Variants in ZNF845 observed in about 807,000 individuals in gnomAD.
The protein encoded by ZNF845 is zinc finger protein 845.
In ZNF845, 59 loss-of-function variants were observed where a neutral mutation model predicts 76.1. The observed-to-expected ratio is 0.78, with a 90% CI of 0.63 to 0.96. ZNF845 has a LOEUF of 0.96. ZNF845 is among the 40% of genes least tolerant of loss of function. The pLI is 0.00. For missense variants in ZNF845, 1,045 were observed against 1,172.8 expected (o/e 0.89, Z 1.59); for synonymous variants, 361 against 386.9 (o/e 0.93, Z 0.78).
At chr19:53,344,840 T>C (rs2085283471) in intron 2 of ZNF845, among the ~76,000 whole-genome samples, 1 of 151,946 alleles carries the variant, frequency 6.6e-6, no homozygotes, top group African/African-American at 2.4e-5. Context: ...GATTTCTCCA[T>C]GTTGGTCAGG....
Position 53,351,729 on chromosome 19 carries a change from G to C in ZNF845, c.1054G>C (p.Glu352Gln), listed in dbSNP as rs753284130. Residue 352 changes from glutamate to glutamine, a missense_variant, in exon 4 of 4, where the codon GAG becomes CAG. Glu to Gln is a conservative substitution (Grantham distance 29). Coordinates refer to ENST00000458035, the MANE Select transcript of ZNF845 (RefSeq NM_138374.3). ...LVYHRRLHTG[E>Q]KPYKCEECDK... ...GTACCATCGTAGACTTCATACTGGA[G>C]AGAAACCTTACAAATGTGAAGAATG... 4 of 1,614,014 alleles carry C rather than the reference G, an allele frequency of 2.5e-6. No individual in the cohort carries two copies. The South Asian group carries it at 4.4e-5, about 18-fold the overall frequency.
In ZNF845 at chr19:53,353,353, G is replaced by A. The variant is rs960263624; in HGVS notation, c.2678G>A (p.Gly893Asp). The stretch of plus-strand genomic sequence containing the variant: ...AAACCTTACAAGTGTAATAAATGTG[G>A]TAAGGTTTTTAATCAACAAGCACAC... The part of the protein sequence containing the change: ...GEKPYKCNKC[G>D]KVFNQQAHLA... The change falls in exon 4 of 4, where the codon GGT becomes GAT. Residue 893 changes from glycine to aspartate, a missense_variant. Physicochemically the swap from Gly to Asp is moderately conservative, Grantham distance 94 (BLOSUM62 -1). Coordinates refer to ENST00000458035, the MANE Select transcript of ZNF845 (RefSeq NM_138374.3). 1.2e-6 allele frequency: 2 copies of A among 1,612,284 alleles called. No individual in the cohort carries two copies. Among genetic ancestry groups the A allele is most frequent in the Non-Finnish European group, 1.7e-6 (2 of 1,179,498 alleles).
At position 53,353,431 on chromosome 19, in the gene ZNF845, AGT is replaced by A. The variant is rs779634863; in HGVS notation, c.2760_2761del (p.Cys920TrpfsTer14). The A allele has an allele frequency of 1.3e-4, 206 of 1,613,902 alleles. 1 individual carries two copies. Among genetic ancestry groups the A allele is most frequent in the South Asian group, 1.3e-3 (115 of 91,060 alleles). On this transcript the variant is annotated frameshift_variant, in exon 4 of 4. Transcript: ENST00000458035. LOFTEE classifies it high-confidence loss of function. ...GGAGAGAAACCTTACAAGTGTAATGAGTGTGGCAAAACCTTCCGTCACAATTC... is the reference window on the plus strand; with the variant it reads ...GGAGAGAAACCTTACAAGTGTAATGAGTGGCAAAACCTTCCGTCACAATTC...
At chr19:53,339,292 A>C (rs1194659359) in intron 1 of ZNF845, among the ~76,000 whole-genome samples, 1 of 152,152 alleles carries the variant, frequency 6.6e-6, no homozygotes. Context: ...GGGCTGATCT[A>C]ATGGAGTGAC....
intron 1 of ZNF845, among the ~76,000 whole-genome samples, chr19:53,339,789 T>C (rs150308168): frequency 6.6e-6 from 1 of 152,344 alleles, no homozygotes; most frequent in African/African-American, 2.4e-5. Flanking sequence ...GAAGCTATAG[T>C]ATATGCCAGG....
intron 1 of ZNF845, among the ~76,000 whole-genome samples, chr19:53,334,015 T>C (rs1315915029): frequency 1.3e-5 from 2 of 152,230 alleles, no homozygotes; most frequent in Non-Finnish European, 2.9e-5. Context: ...GGGCAATGTA[T>C]ACACTTCCCA....
chr19:53,351,879 C>T lies in ZNF845; in HGVS notation c.1204C>T (p.Arg402Cys), dbSNP rs537399665. 2.2e-4 allele frequency: 356 copies of T among 1,610,302 alleles called. 1 individual carries two copies. The highest frequency in any genetic ancestry group is 1.4e-3 in the South Asian group (128 of 90,888). ...FSRKSSLTRHRRLHTGEKPYK... is the reference protein window; with the variant it reads ...FSRKSSLTRHCRLHTGEKPYK... ...TCGGAAGTCATCCCTTACACGCCAT[C>T]GTAGACTTCATACTGGAGAGAAACC... The change falls in exon 4 of 4, where the codon CGT (arginine) becomes TGT (cysteine). Residue 402 changes from arginine (R) to cysteine (C), a missense_variant. By Grantham distance (180) the Arg-to-Cys change is radical. Transcript: ENST00000458035.
chr19:53,347,119 G>A (rs2085301907), intron 3 of ZNF845, among the ~76,000 whole-genome samples: 1 of 152,002 alleles, frequency 6.6e-6, no homozygotes, highest in East Asian at 1.9e-4. Context: ...CTGCCCTCAG[G>A]TGGTGATCCG....
At chr19:53,340,673 CTCACAATGGGTGAAGAAAT>C (rs2085249737) in intron 1 of ZNF845, among the ~76,000 whole-genome samples, 1 of 152,208 alleles carries the variant, frequency 6.6e-6, no homozygotes, top group Non-Finnish European at 1.5e-5. Flanking sequence ...TACATGTTTA[CTCACAATGGGTGAAGAAAT>C]TCATCATTTT....
chr19:53,346,997 C>A (rs531365977), intron 3 of ZNF845, among the ~76,000 whole-genome samples: 4 of 152,208 alleles, frequency 2.6e-5, no homozygotes, highest in African/African-American at 9.6e-5. Context: ...GATTCTCCTG[C>A]CTCAGTTTTC....
At chr19:53,346,348 T>A (rs1376161480) in intron 3 of ZNF845, 3 of 428,710 alleles carry the variant, frequency 7.0e-6, no homozygotes, top group Non-Finnish European at 1.4e-5. Context: ...AGCAGTGCCG[T>A]ATGTGATCTT....
In ZNF845 at chr19:53,352,855, C is replaced by T; in HGVS notation, c.2180C>T (p.Ala727Val). ...TACAAGTGTAATGAGTGTGGCAAGG[C>T]CTTCAGTCAGAAGTCATCCCTTACA... ...KPYKCNECGK[A>V]FSQKSSLTCH... The change falls in exon 4 of 4, where the codon GCC becomes GTC. Residue 727 changes from alanine (A) to valine (V), a missense_variant. Ala to Val is a moderately conservative substitution (Grantham distance 64). Transcript: ENST00000458035. 6.2e-7 allele frequency: 1 copy of T among 1,613,054 alleles called. No individual in the cohort carries two copies. Among genetic ancestry groups the T allele is most frequent in the Non-Finnish European group, 8.5e-7 (1 of 1,179,782 alleles).
At chr19:53,344,604 A>ATTTATTTTATTTATTTTAT (rs1555822544) in intron 2 of ZNF845, among the ~76,000 whole-genome samples, 1,414 of 126,912 alleles carry the variant, frequency 0.011, 31 homozygotes, top group East Asian at 0.093. Context: ...ATTTTATTTT[A>ATTTATTTTATTTATTTTAT]TTTATTTTAT....
At chr19:53,343,025 G>A (rs866262249) in intron 2 of ZNF845, among the ~76,000 whole-genome samples, 26 of 152,088 alleles carry the variant, frequency 1.7e-4, no homozygotes, top group Middle Eastern at 6.8e-3. Context: ...CACCATGTTG[G>A]CCAGGCTGGT....
chr19:53,350,833 G>T lies in ZNF845; in HGVS notation c.158G>T (p.Cys53Phe). 6.2e-7 allele frequency: 1 copy of T among 1,613,432 alleles called. No homozygotes were observed. The highest frequency in any genetic ancestry group is 8.5e-7 in the Non-Finnish European group (1 of 1,179,764). The change falls in exon 4 of 4, where the codon TGC becomes TTC. Residue 53 changes from cysteine (C) to phenylalanine (F), a missense_variant. Transcript: ENST00000458035. Reference sequence around the variant, plus strand: ...TATTTTCTAGATATCTCTTCCAAATGCATGATGAAGGAGTTCTCATCAACA... The same window carrying T: ...TATTTTCTAGATATCTCTTCCAAATTCATGATGAAGGAGTTCTCATCAACA... ...NLVSLDISSK[C>F]MMKEFSSTAQ...
intron 1 of ZNF845, among the ~76,000 whole-genome samples, chr19:53,340,341 T>C (rs2085247455): frequency 6.6e-6 from 1 of 152,196 alleles, no homozygotes; most frequent in Non-Finnish European, 1.5e-5. Context: ...TGTGAGCCAC[T>C]GTGCCCAGCC....
rs187405034 is a variant in ZNF845 at position 53,337,130 on chromosome 19, G to A, written c.-74+3338G>A. The A allele has an allele frequency of 4.6e-5, 21 of 456,880 alleles. 1 individual carries two copies. In the Admixed American group the frequency reaches 4.9e-4, roughly 11 times the overall value. The allele number at this position is 456,880 out of a possible 1,614,324, so 28.3% of individuals were successfully genotyped here. ...TTGCCCTCATCGCATGACTGTCTCT[G>A]CCCCAGTCATATTTGCTTTTCTCTT... On this transcript the variant is annotated intron_variant, in intron 1 of 3. Transcript: ENST00000458035.
chr19:53,346,978 G>C (rs1281602193), intron 3 of ZNF845, among the ~76,000 whole-genome samples: 1 of 152,054 alleles, frequency 6.6e-6, no homozygotes, highest in African/African-American at 2.4e-5. Flanking sequence ...CCGACTTCTG[G>C]GTTTAAGTGA....
rs1266394974 is a variant in ZNF845, at chr19:53,356,585, G to A, written c.*2997G>A. 6.6e-6 allele frequency: 1 copy of A among 151,446 alleles called. No individual in the cohort carries two copies. The highest frequency in any genetic ancestry group is 2.4e-5 in the African/African-American group (1 of 41,176). The allele number at this position is 151,446 out of a possible 1,614,324, so 9.4% of individuals were successfully genotyped here. A position where few individuals can be genotyped will look rare whatever the true frequency, so the allele number is the denominator to read the frequency against. ...CATAATTCCTCCTTTGAGAATAAAG[G>A]AAAAGATTTCCCTTCCTTTTGTCTC... On this transcript the variant is annotated 3_prime_UTR_variant, in exon 4 of 4. Transcript: ENST00000458035.
Sources: allele counts gnomAD v4.1 joint callset (sites outside exome capture counted in the v4.1 genomes callset), GRCh38; gene constraint gnomAD v4.1.1; transcripts MANE v1.5; gene names NCBI Gene and HGNC (gene_info 2026-07-23, HGNC 2026-07-21).